The following AFG1L variants were observed in gnomAD, a reference collection of about 807,000 sequenced individuals.
AFG1L encodes the protein AFG1 like ATPase.
Under a neutral mutation model 62.2 loss-of-function variants are expected in AFG1L, and 53 were observed. The ratio of observed to expected loss-of-function variants is 0.85; its 90% CI spans 0.68 to 1.07. The LOEUF (loss-of-function observed/expected upper bound fraction) is 1.07. Among genes scored for constraint, AFG1L ranks in the 50% least tolerant of loss-of-function variants. AFG1L has a pLI of 0.00. For synonymous variants in AFG1L, 228 were observed against 210.3 expected, an observed-to-expected ratio of 1.08 and a Z score of -0.73; for missense variants, 555 against 590.5, an observed-to-expected ratio of 0.94 and a Z score of 0.62.
intron 1 of AFG1L, chr6:108,318,498 A>G (rs1272777944): frequency 6.2e-6 from 1 of 162,080 alleles, no homozygotes; most frequent in Admixed American, 6.4e-5. Flanking sequence ...AATTACGACT[A>G]TACACAAAGC....
At chr6:108,444,860 C>G (rs544365322) in intron 7 of AFG1L, among the ~76,000 whole-genome samples, 8 of 152,294 alleles carry the variant, frequency 5.3e-5, no homozygotes, top group African/African-American at 1.9e-4. Flanking sequence ...GGTAAATGAA[C>G]ATTTGCTTCA....
intron 7 of AFG1L, among the ~76,000 whole-genome samples, chr6:108,433,336 G>A (rs1771160614): frequency 6.6e-6 from 1 of 152,028 alleles, no homozygotes; most frequent in Non-Finnish European, 1.5e-5. Context: ...CTGGAGTGCA[G>A]TGGCGCGACT....
At chr6:108,348,917 T>A (rs182554569) in intron 3 of AFG1L, among the ~76,000 whole-genome samples, 3,019 of 152,224 alleles carry the variant, frequency 0.02, 49 homozygotes, top group Middle Eastern at 0.071. Flanking sequence ...ACTTTTTTTT[T>A]AAAAACCCTA....
chr6:108,475,678 A>G (rs769626154), intron 8 of AFG1L, among the ~76,000 whole-genome samples: 1 of 152,196 alleles, frequency 6.6e-6, no homozygotes, highest in African/African-American at 2.4e-5. Flanking sequence ...GATGTTTTTA[A>G]TGTCCTTTGA....
chr6:108,500,965 T>C (rs1774172002), intron 10 of AFG1L, among the ~76,000 whole-genome samples: 2 of 152,154 alleles, frequency 1.3e-5, no homozygotes, highest in South Asian at 4.1e-4. Flanking sequence ...TTTTAAGAGG[T>C]GTCTGTGCAT....
rs147446402 is a variant in AFG1L, at chr6:108,397,372, C to T, written c.749-4624C>T. Among the ~76,000 whole-genome samples the T allele has an allele frequency of 6.5e-3, 985 of 152,152 alleles. 5 individuals are homozygous for T. Among genetic ancestry groups the T allele is most frequent in the African/African-American group, 0.019 (806 of 41,502 alleles). On this transcript the variant is annotated intron_variant, in intron 6 of 12. Transcript: ENST00000368977. ...CGAACTCCTGACCTCAGGTGATCCA[C>T]GCCCCCTTGGCCTCCCAAAGTGCTG...
intron 10 of AFG1L, among the ~76,000 whole-genome samples, chr6:108,482,355 A>G (rs1211253512): frequency 6.6e-6 from 1 of 152,160 alleles, no homozygotes; most frequent in East Asian, 1.9e-4. Context: ...TCAAGTTAAA[A>G]TTTTTTAATA....
intron 11 of AFG1L, among the ~76,000 whole-genome samples, chr6:108,513,471 G>A (rs761248812): frequency 3.3e-5 from 5 of 152,308 alleles, no homozygotes; most frequent in South Asian, 4.1e-4. Context: ...ATTATATCCC[G>A]CGCATGGCTT....
chr6:108,419,102 C>G (rs1770469522), intron 7 of AFG1L, among the ~76,000 whole-genome samples: 1 of 152,022 alleles, frequency 6.6e-6, no homozygotes, highest in Non-Finnish European at 1.5e-5. Flanking sequence ...GAGATAAATG[C>G]TATTCATAAG....
chr6:108,345,998 C>G (rs1228027009), intron 2 of AFG1L, among the ~76,000 whole-genome samples: 1 of 152,086 alleles, frequency 6.6e-6, no homozygotes, highest in Non-Finnish European at 1.5e-5. Context: ...GGGAGCCCAT[C>G]TGGGAAAGAA....
intron 6 of AFG1L, among the ~76,000 whole-genome samples, chr6:108,377,093 C>T (rs1324692741): frequency 6.7e-6 from 1 of 150,236 alleles, no homozygotes; most frequent in Non-Finnish European, 1.5e-5. Flanking sequence ...TTTCTTTTTG[C>T]ATGGTAGATC....
Position 108,476,892 on chromosome 6 carries a change from C to T in AFG1L, c.918C>T (p.Val306=). ...YLTSEADVEA[V]MDKLFDELAQ... ...CAAGTGAAGCTGATGTGGAGGCTGT[C>T]ATGGATAAGTTGTTTGATGAGCTGG... Residue 306 remains valine (V), a synonymous_variant, in exon 9 of 13, where the codon GTC becomes GTT. Transcript: ENST00000368977. The T allele has an allele frequency of 6.2e-7, 1 of 1,613,824 alleles. No homozygotes were observed.
At chr6:108,357,089 A>T (rs1003542056) in intron 5 of AFG1L, among the ~76,000 whole-genome samples, 4 of 151,966 alleles carry the variant, frequency 2.6e-5, no homozygotes, top group African/African-American at 9.7e-5. Flanking sequence ...ACACACACAC[A>T]CATATTTTAA....
At chr6:108,344,915 G>C (rs530618606) in intron 2 of AFG1L, 1 of 410,908 alleles carries the variant, frequency 2.4e-6, no homozygotes, top group East Asian at 7.5e-5. Context: ...TTCCAGTTTT[G>C]CTCTGGACCT....
At chr6:108,464,344 G>A (rs1345645849) in intron 8 of AFG1L, among the ~76,000 whole-genome samples, 1 of 152,156 alleles carries the variant, frequency 6.6e-6, no homozygotes, top group African/African-American at 2.4e-5. Context: ...TTCTTTGAGA[G>A]TCTAAGTTTT....
chr6:108,392,466 G>T (rs1781100197), intron 6 of AFG1L, among the ~76,000 whole-genome samples: 1 of 152,138 alleles, frequency 6.6e-6, no homozygotes, highest in African/African-American at 2.4e-5. Flanking sequence ...GTAGCTTCTA[G>T]TAGGTATTCT....
At chr6:108,306,156 A>G (rs1777190255) in intron 1 of AFG1L, among the ~76,000 whole-genome samples, 1 of 152,142 alleles carries the variant, frequency 6.6e-6, no homozygotes, top group African/African-American at 2.4e-5. Context: ...CACCCATCTC[A>G]TCCTCCCAAA....
At chr6:108,470,170 C>A (rs1772829722) in intron 8 of AFG1L, among the ~76,000 whole-genome samples, 1 of 152,194 alleles carries the variant, frequency 6.6e-6, no homozygotes, top group Non-Finnish European at 1.5e-5. Flanking sequence ...GTCATTCCTT[C>A]TTCTAGGCTC....
At chr6:108,376,368 G>GT (rs1298877724) in intron 6 of AFG1L, among the ~76,000 whole-genome samples, 1 of 151,398 alleles carries the variant, frequency 6.6e-6, no homozygotes, top group Non-Finnish European at 1.5e-5. Flanking sequence ...GTTTGTTTTT[G>GT]TTTTTTTCTA....
Sources: allele counts gnomAD v4.1 joint callset (sites outside exome capture counted in the v4.1 genomes callset), GRCh38; gene constraint gnomAD v4.1.1; transcripts MANE v1.5; gene names NCBI Gene and HGNC (gene_info 2026-07-23, HGNC 2026-07-21).